SEPTIN4: variants seen among roughly 807,000 people sequenced by gnomAD.
The protein encoded by SEPTIN4 is septin-4.
A neutral mutation model predicts 107.1 loss-of-function variants in SEPTIN4; 52 were observed. That is an observed-to-expected ratio of 0.49 (90% confidence interval 0.39 to 0.61). SEPTIN4 has a LOEUF of 0.61. Ranked by LOEUF, SEPTIN4 falls within the 20% of genes least tolerant of loss-of-function variation. The pLI is 0.00. For missense variants in SEPTIN4, 1,048 were observed against 1,243.5 expected (o/e 0.84, Z 2.36); for synonymous variants, 417 against 467.0 (o/e 0.89, Z 1.38).
intron 3 of SEPTIN4, among the ~76,000 whole-genome samples, chr17:58,537,284 G>C (rs2043744797): frequency 6.6e-6 from 1 of 152,186 alleles, no homozygotes; most frequent in Non-Finnish European, 1.5e-5. Flanking sequence ...ACCTGTCCTG[G>C]TCTGCCCAGG....
In SEPTIN4 at chr17:58,542,940, C is replaced by A; in HGVS notation, c.1247G>T (p.Arg416Leu). ...LELTPRPLPP[R>L]SLPRYGPDSS... ...GTCAGGTCCGTACCTAGGTAAGGAC[C>A]GAGGAGGCAAGGGCCTAGGGGTCAG... The change falls in exon 1 of 14, where the codon CGG (arginine) becomes CTG (leucine). Residue 416 changes from arginine (R) to leucine (L), a missense_variant. By Grantham distance (102) the Arg-to-Leu change is moderately radical (BLOSUM62 -2). This residue lies in a region of SEPTIN4 where 787 missense variants were observed against 871.8 expected (regional missense o/e 0.90). Coordinates refer to ENST00000672673, the MANE Select transcript of SEPTIN4 (RefSeq NM_001368771.2). The A allele has an allele frequency of 6.2e-7, 1 of 1,614,116 alleles. No individual in the cohort carries two copies. The highest frequency in any genetic ancestry group is 8.5e-7 in the Non-Finnish European group (1 of 1,180,024).
chr17:58,539,054 G>T, intron 3 of SEPTIN4: 1 of 1,185,436 alleles, frequency 8.4e-7, no homozygotes, highest in Non-Finnish European at 1.2e-6. Flanking sequence ...ACAGGCCGGG[G>T]AGAGCCTAGC....
At chr17:58,537,361 A>C (rs907922593) in intron 3 of SEPTIN4, among the ~76,000 whole-genome samples, 8 of 152,150 alleles carry the variant, frequency 5.3e-5, no homozygotes, top group Admixed American at 3.9e-4. Flanking sequence ...GCAAACCCTG[A>C]TGAGTTGGTC....
chr17:58,535,533 C>A (rs2043681791), intron 3 of SEPTIN4, among the ~76,000 whole-genome samples: 1 of 152,232 alleles, frequency 6.6e-6, no homozygotes, highest in Non-Finnish European at 1.5e-5. Flanking sequence ...GCCCTTCAAC[C>A]TTTGGGCTGC....
chr17:58,544,088 G>A lies in SEPTIN4; in HGVS notation c.99C>T (p.Tyr33=), dbSNP rs138323383. ...TNTSPQQGHG[Y]VLASSHRSAA... is the part of the protein sequence containing the mutation. ...CACTTCGATGGCTTGAGGCAAGAACGTACCCATGTCCCTGCTGAGGGGATG... is the reference window on the plus strand; with the variant it reads ...CACTTCGATGGCTTGAGGCAAGAACATACCCATGTCCCTGCTGAGGGGATG... The change falls in exon 1 of 14, where the codon TAC becomes TAT. Residue 33 remains tyrosine (Y), a synonymous_variant. Coordinates refer to ENST00000672673, the MANE Select transcript of SEPTIN4 (RefSeq NM_001368771.2). 32 of 1,614,014 alleles carry A rather than the reference G, an allele frequency of 2.0e-5. No individual in the cohort carries two copies. The African/African-American group carries it at 2.0e-4, about 10-fold the overall frequency.
Position 58,520,375 on chromosome 17 carries a change from C to G in SEPTIN4, c.*51G>C. 6.3e-7 allele frequency: 1 copy of G among 1,576,036 alleles called. No homozygotes were observed. The highest frequency in any genetic ancestry group is 8.7e-7 in the Non-Finnish European group (1 of 1,150,952). The stretch of plus-strand genomic sequence containing the variant: ...CAGAGCTGGTGCTGGGAGGGGCCGG[C>G]ATGGACAGGAAGAAGAGGAGGAGAT... On this transcript the variant is annotated 3_prime_UTR_variant, in exon 14 of 14. Transcript: ENST00000672673.
Position 58,543,015 on chromosome 17 carries a change from G to C in SEPTIN4, c.1172C>G (p.Pro391Arg). Reference sequence around the variant, plus strand: ...CTTTTGCGAGAGTTCTGGATACCTGGGTGTAGGTCCTTGGGACATGTAAGT... The same window carrying C: ...CTTTTGCGAGAGTTCTGGATACCTGCGTGTAGGTCCTTGGGACATGTAAGT... ...EITYMSQGPT[P>R]RYPELSQKPS... The change falls in exon 1 of 14, where the codon CCC becomes CGC. Residue 391 changes from proline (P) to arginine (R), a missense_variant. Around this residue, in one of 2 missense-constraint regions of SEPTIN4, gnomAD observed 787 missense variants for 871.8 expected, o/e 0.90. Coordinates refer to ENST00000672673, the MANE Select transcript of SEPTIN4 (RefSeq NM_001368771.2). 1 of 1,611,796 alleles carries C rather than the reference G, an allele frequency of 6.2e-7. No individual in the cohort carries two copies. Among genetic ancestry groups the C allele is most frequent in the Non-Finnish European group, 8.5e-7 (1 of 1,179,014 alleles).
chr17:58,543,018 G>A lies in SEPTIN4; in HGVS notation c.1169C>T (p.Thr390Ile), dbSNP rs779258991. 6.2e-7 allele frequency: 1 copy of A among 1,612,016 alleles called. No homozygotes were observed. The highest frequency in any genetic ancestry group is 1.7e-5 in the Admixed American group (1 of 59,640). ...TTGCGAGAGTTCTGGATACCTGGGT[G>A]TAGGTCCTTGGGACATGTAAGTAAT... ...PEITYMSQGP[T>I]PRYPELSQKP... Residue 390 changes from threonine to isoleucine, a missense_variant, in exon 1 of 14, where the codon ACA becomes ATA. Transcript: ENST00000672673.
chr17:58,532,016 CG>C, intron 3 of SEPTIN4: 1 of 1,134,508 alleles, frequency 8.8e-7, no homozygotes, highest in Non-Finnish European at 1.1e-6. Context: ...GAGCGACCCG[CG>C]GCGGAGCTGC....
intron 3 of SEPTIN4, chr17:58,529,087 C>T: frequency 6.2e-7 from 1 of 1,613,334 alleles, no homozygotes; most frequent in Non-Finnish European, 8.5e-7. Flanking sequence ...CAGGTCACGT[C>T]CACCCATCTC....
chr17:58,528,760 G>A (rs1873940971), intron 3 of SEPTIN4, among the ~76,000 whole-genome samples: 2 of 152,208 alleles, frequency 1.3e-5, no homozygotes, highest in Admixed American at 6.5e-5. Context: ...CAGGACAAGG[G>A]TGGGAGAGAG....
At chr17:58,529,276 TGTC>T in intron 3 of SEPTIN4, 4 of 1,602,884 alleles carry the variant, frequency 2.5e-6, no homozygotes, top group Non-Finnish European at 3.4e-6. Flanking sequence ...ATGCTGTTGT[TGTC>T]TGGCTTCCTG....
Position 58,520,775 on chromosome 17 carries a change from T to C in SEPTIN4, c.2899A>G (p.Thr967Ala), listed in dbSNP as rs754908783. 4.0e-5 allele frequency: 65 copies of C among 1,614,038 alleles called. No individual in the cohort carries two copies. The highest frequency in any genetic ancestry group is 5.5e-5 in the Non-Finnish European group (65 of 1,180,038). The stretch of plus-strand genomic sequence containing the variant: ...TCTTTCTCTCGGATAAGCTTCTCAG[T>C]TTCTGGATCTGTCCCTGGTGGGACA... The part of the protein sequence containing the change: ...PAVPPGTDPE[T>A]EKLIREKDEE... The change falls in exon 13 of 14, where the codon ACT becomes GCT. Residue 967 changes from threonine (T) to alanine (A), a missense_variant. Physicochemically the swap from Thr to Ala is moderately conservative, Grantham distance 58. Coordinates refer to ENST00000672673, the MANE Select transcript of SEPTIN4 (RefSeq NM_001368771.2).
At chr17:58,541,709 C>G in intron 2 of SEPTIN4, 1 of 1,389,246 alleles carries the variant, frequency 7.2e-7, no homozygotes, top group Non-Finnish European at 9.8e-7. Flanking sequence ...TAAAAGGAGA[C>G]TCTTGAAAAT....
At chr17:58,525,890 A>G in intron 5 of SEPTIN4, 109 bp from the exon 6 acceptor site, 1 of 994,650 alleles carries the variant, frequency 1.0e-6, no homozygotes, top group Non-Finnish European at 1.5e-6. Context: ...TCTAATTGGA[A>G]CTAGACTAAC....
intron 3 of SEPTIN4, among the ~76,000 whole-genome samples, chr17:58,537,506 G>A (rs1273201600): frequency 6.6e-6 from 1 of 152,146 alleles, no homozygotes; most frequent in African/African-American, 2.4e-5. Context: ...TGCTTCCTAA[G>A]AAGCTGTGCA....
chr17:58,542,632 A>G lies in SEPTIN4; in HGVS notation c.1555T>C (p.Phe519Leu), dbSNP rs753102229. The change falls in exon 1 of 14, where the codon TTC (phenylalanine) becomes CTC (leucine). Residue 519 changes from phenylalanine (F) to leucine (L), a missense_variant. Phe to Leu is a conservative substitution (Grantham distance 22). Coordinates refer to ENST00000672673, the MANE Select transcript of SEPTIN4 (RefSeq NM_001368771.2). Reference sequence around the variant, plus strand: ...AGTCTGCTTCTTCACATACCCAGGAAGAAAGCAGTAAACCTTTGAATGGGT... The same window carrying G: ...AGTCTGCTTCTTCACATACCCAGGAGGAAAGCAGTAAACCTTTGAATGGGT... ...KQPIQRFTAFFLDVSEEMYNR... is the reference protein window; with the variant it reads ...KQPIQRFTAFLLDVSEEMYNR... 6.2e-7 allele frequency: 1 copy of G among 1,609,520 alleles called. No homozygotes were observed. The highest frequency in any genetic ancestry group is 8.5e-7 in the Non-Finnish European group (1 of 1,177,862).
chr17:58,539,089 G>A, intron 3 of SEPTIN4: 1 of 1,471,232 alleles, frequency 6.8e-7, no homozygotes, highest in Non-Finnish European at 9.1e-7. Flanking sequence ...GAGAGCACCT[G>A]GCCCATCTCC....
At chr17:58,540,195 C>T (rs2043839482) in intron 3 of SEPTIN4, among the ~76,000 whole-genome samples, 1 of 152,300 alleles carries the variant, frequency 6.6e-6, no homozygotes, top group Admixed American at 6.5e-5. Context: ...GGACTGCTGA[C>T]AGCAGAGTCC....
Sources: gnomAD v4.1 joint callset for allele counts (sites outside exome capture counted in the v4.1 genomes callset) on GRCh38, gnomAD v4.1.1 for gene constraint, gnomAD v4.1.1 regional missense constraint, MANE v1.5 for transcripts, NCBI Gene and HGNC (gene_info 2026-07-23, HGNC 2026-07-21) for gene names.